The following LOC128462377 variants were observed in gnomAD, a reference collection of about 807,000 sequenced individuals.
chr16:89,334,998 TGACATGA>T, the LOC128462377 span, among the ~76,000 whole-genome samples: 1 of 152,070 alleles, frequency 6.6e-6, no homozygotes, highest in Non-Finnish European at 1.5e-5. Context: ...CAGGTACATG[TGACATGA>T]GCTCTATCGT....
At chr16:89,375,599 G>A in the LOC128462377 span, among the ~76,000 whole-genome samples, 1 of 151,752 alleles carries the variant, frequency 6.6e-6, no homozygotes, top group Admixed American at 6.6e-5. Context: ...GATTACAGGC[G>A]CCCGCCACCA....
At chr16:89,376,872 T>C in the LOC128462377 span, among the ~76,000 whole-genome samples, 4 of 152,330 alleles carry the variant, frequency 2.6e-5, no homozygotes, top group East Asian at 7.7e-4. Context: ...AATGCTACTG[T>C]TTTGTGCAAA....
chr16:89,333,437 G>A, the LOC128462377 span, among the ~76,000 whole-genome samples: 15 of 152,142 alleles, frequency 9.9e-5, no homozygotes, highest in Admixed American at 3.9e-4. Context: ...TTGGACGAAC[G>A]TATCCTGATG....
At chr16:89,343,036 T>G in the LOC128462377 span, among the ~76,000 whole-genome samples, 1 of 152,212 alleles carries the variant, frequency 6.6e-6, no homozygotes, top group African/African-American at 2.4e-5. Context: ...AAATTTTTAT[T>G]TGAGACGCAG....
the LOC128462377 span, among the ~76,000 whole-genome samples, chr16:89,328,115 T>G: frequency 1.3e-5 from 2 of 151,644 alleles, no homozygotes; most frequent in African/African-American, 4.9e-5. Flanking sequence ...CTCGACATCC[T>G]AAGCCGTTAG....
the LOC128462377 span, among the ~76,000 whole-genome samples, chr16:89,351,143 C>T: frequency 6.6e-6 from 1 of 152,164 alleles, no homozygotes; most frequent in Admixed American, 6.5e-5. Context: ...TGGACGATGG[C>T]GGGCACAAGA....
the LOC128462377 span, among the ~76,000 whole-genome samples, chr16:89,393,684 T>C: frequency 6.6e-6 from 1 of 151,658 alleles, no homozygotes; most frequent in Admixed American, 6.6e-5. Context: ...CCTCAGAGGA[T>C]TTGTAAGGGT....
chr16:89,321,443 T>G, the LOC128462377 span, among the ~76,000 whole-genome samples: 1 of 42,814 alleles, frequency 2.3e-5, no homozygotes, highest in East Asian at 6.0e-4. Context: ...CAGGGCAGGG[T>G]GTGGGGCGGG....
At chr16:89,382,537 G>A in the LOC128462377 span, among the ~76,000 whole-genome samples, 4 of 152,106 alleles carry the variant, frequency 2.6e-5, no homozygotes, top group South Asian at 8.3e-4. Flanking sequence ...ATGTTGGCCA[G>A]GCTGGTCTCG....
At chr16:89,369,849 C>A in the LOC128462377 span, among the ~76,000 whole-genome samples, 1 of 152,204 alleles carries the variant, frequency 6.6e-6, no homozygotes, top group African/African-American at 2.4e-5. Flanking sequence ...GGAAGCTTGG[C>A]AATGTGTACA....
At chr16:89,328,934 T>C in the LOC128462377 span, 1 of 124,178 alleles carries the variant, frequency 8.1e-6, no homozygotes, top group Non-Finnish European at 1.7e-5. Flanking sequence ...GCTGAGTGAG[T>C]GGACATACCC....
chr16:89,323,014 C>T, the LOC128462377 span: 1 of 306,404 alleles, frequency 3.3e-6, no homozygotes, highest in Middle Eastern at 1.2e-3. Flanking sequence ...CGGCTAATTT[C>T]TGTACTTTCT....
chr16:89,407,852 CAAAAAAAAAAA>C, the LOC128462377 span, among the ~76,000 whole-genome samples: 117 of 111,432 alleles, frequency 1.0e-3, 1 homozygote, highest in Middle Eastern at 0.014. Flanking sequence ...TGTCTCCCTC[CAAAAAAAAAAA>C]AAAAAAAAAA....
chr16:89,405,543 G>A, the LOC128462377 span, among the ~76,000 whole-genome samples: 13 of 144,900 alleles, frequency 9.0e-5, no homozygotes, highest in Admixed American at 7.0e-4. Flanking sequence ...TATGTTGTCC[G>A]GGCTGGTCTC....
chr16:89,369,266 C>T, the LOC128462377 span, among the ~76,000 whole-genome samples: 4 of 152,208 alleles, frequency 2.6e-5, no homozygotes, highest in African/African-American at 9.6e-5. Context: ...TAGGTACGCC[C>T]GAGAAATGCC....
the LOC128462377 span, among the ~76,000 whole-genome samples, chr16:89,406,355 C>A: frequency 6.6e-6 from 1 of 152,122 alleles, no homozygotes; most frequent in Non-Finnish European, 1.5e-5. Context: ...AAACCCACAC[C>A]TGGGCCTCGG....
At chr16:89,347,115 G>A in the LOC128462377 span, among the ~76,000 whole-genome samples, 1 of 152,184 alleles carries the variant, frequency 6.6e-6, no homozygotes, top group Non-Finnish European at 1.5e-5. Context: ...CCGTGGAGGT[G>A]TCTCTCGTTG....
At chr16:89,414,076 C>G in the LOC128462377 span, among the ~76,000 whole-genome samples, 1 of 152,200 alleles carries the variant, frequency 6.6e-6, no homozygotes, top group East Asian at 1.9e-4. Flanking sequence ...ATGCCACAGG[C>G]ACAGCTGCTC....
chr16:89,346,608 A>G, the LOC128462377 span, among the ~76,000 whole-genome samples: 1 of 152,210 alleles, frequency 6.6e-6, no homozygotes, highest in Non-Finnish European at 1.5e-5. Context: ...CACAGCCTTC[A>G]ATCTGGGAAT....
Sources: gnomAD v4.1 joint callset for allele counts (sites outside exome capture counted in the v4.1 genomes callset) on GRCh38, gnomAD v4.1.1 for gene constraint, MANE v1.5 for transcripts.